The following ENY2 variants were observed in gnomAD, a reference collection of about 807,000 sequenced individuals.
ENY2 encodes ENY2 transcription and export complex 2 subunit.
Under a neutral mutation model 15.9 loss-of-function variants are expected in ENY2, and 4 were observed. The observed-to-expected ratio is 0.25, with a 90% CI of 0.12 to 0.57. The LOEUF is 0.57. Among genes scored for constraint, ENY2 ranks in the 20% least tolerant of loss-of-function variants. The probability of loss-of-function intolerance (pLI) is 0.91; values close to 1 mark genes in which losing one functional copy is unlikely to be tolerated. For synonymous variants in ENY2, 48 were observed against 38.0 expected, an observed-to-expected ratio of 1.26 and a Z score of -0.97; for missense variants, 54 against 117.2, an observed-to-expected ratio of 0.46 and a Z score of 2.49.
At position 109,334,365 on chromosome 8, in the gene ENY2, G is replaced by C; in HGVS notation, c.-104G>C. The C allele has an allele frequency of 1.3e-6, 2 of 1,536,044 alleles. No individual in the cohort carries two copies. Among genetic ancestry groups the C allele is most frequent in the Non-Finnish European group, 1.8e-6 (2 of 1,117,020 alleles). On this transcript the variant is annotated 5_prime_UTR_variant, in exon 1 of 5. Coordinates refer to ENST00000521688, the MANE Select transcript of ENY2 (RefSeq NM_020189.6). ...GCTTTCTGTGTGCTTAGGTGCCCGA[G>C]CTACTGAGGGTCTAAGTCCGGGCAG... is the stretch of plus-strand genomic sequence containing the variant.
intron 4 of ENY2, among the ~76,000 whole-genome samples, chr8:109,341,910 A>G (rs1422785396): frequency 2.0e-5 from 3 of 152,146 alleles, no homozygotes; most frequent in Non-Finnish European, 2.9e-5. Flanking sequence ...AAGGCAACTC[A>G]CTAATCCTGT....
At position 109,340,415 on chromosome 8, in the gene ENY2, C is replaced by T. The variant is rs1816087431; in HGVS notation, c.155-74C>T. ...CTACACTCTAAAAACATGATCTTAA[C>T]CCTTCCTCTATGAAAATCTTTCTTA... On this transcript the variant is annotated intron_variant, in intron 3 of 4. Transcript: ENST00000521688. 1.9e-6 allele frequency: 3 copies of T among 1,584,062 alleles called. No individual in the cohort carries two copies. In the South Asian group the frequency reaches 3.4e-5, roughly 18 times the overall value.
intron 2 of ENY2, 86 bp downstream of exon 2, chr8:109,336,290 C>T: frequency 3.6e-6 from 4 of 1,095,974 alleles, no homozygotes; most frequent in Middle Eastern, 4.0e-4. Flanking sequence ...TGAAACATGT[C>T]ACTGGAAAGA....
chr8:109,340,119 C>A (rs1816083078), intron 3 of ENY2, among the ~76,000 whole-genome samples: 1 of 152,030 alleles, frequency 6.6e-6, no homozygotes, highest in South Asian at 2.1e-4. Flanking sequence ...ATGCCTAGCC[C>A]ATTAGATCAT....
chr8:109,336,120 A>G lies in ENY2; in HGVS notation c.7-8A>G, dbSNP rs1815979399. ...GTTCTATATCTGAAAGTACATGTTG[A>G]TGTCCAGGTTAGCAAGATGAACAAA... On this transcript the variant is annotated splice_region_variant and splice_polypyrimidine_tract_variant and intron_variant, in intron 1 of 4. Transcript: ENST00000521688. 6.2e-7 allele frequency: 1 copy of G among 1,612,788 alleles called. No individual in the cohort carries two copies. The highest frequency in any genetic ancestry group is 1.3e-5 in the African/African-American group (1 of 74,894).
At chr8:109,337,666 G>A (rs1479998513) in intron 2 of ENY2, among the ~76,000 whole-genome samples, 3 of 152,222 alleles carry the variant, frequency 2.0e-5, no homozygotes, top group Non-Finnish European at 4.4e-5. Context: ...CACTTTGGGA[G>A]GCTGAGGCTG....
Position 109,339,330 on chromosome 8 carries a change from T to C in ENY2, c.94T>C (p.Leu32=). 2.5e-6 allele frequency: 4 copies of C among 1,613,782 alleles called. No homozygotes were observed. Among genetic ancestry groups the C allele is most frequent in the East Asian group, 2.2e-5 (1 of 44,842 alleles). The change falls in exon 3 of 5, where the codon TTG becomes CTG. Residue 32 remains leucine, a synonymous_variant. Transcript: ENST00000521688. The stretch of plus-strand genomic sequence containing the variant: ...CTTCTGTTTCAACAGCCTCAAAGAG[T>C]TGCTGAGAGCTAAATTAATTGAATG... ...ETGERERLKE[L]LRAKLIECGW...
At chr8:109,341,015 T>C (rs78977960) in intron 4 of ENY2, among the ~76,000 whole-genome samples, 54 of 152,264 alleles carry the variant, frequency 3.5e-4, no homozygotes, top group Non-Finnish European at 2.9e-4. Context: ...GCTCCATGAC[T>C]TCATGTTCAG....
chr8:109,335,900 C>A (rs961535075), intron 1 of ENY2: 1 of 346,718 alleles, frequency 2.9e-6, no homozygotes, highest in South Asian at 9.1e-5. Flanking sequence ...TGTAACAATA[C>A]GTTCTGGGAA....
rs1157949246 is a variant in ENY2, at chr8:109,344,821, C to T, written c.*1340C>T. The T allele has an allele frequency of 6.6e-6, 1 of 152,178 alleles. No homozygotes were observed. The highest frequency in any genetic ancestry group is 1.5e-5 in the Non-Finnish European group (1 of 68,044). 9.4% of individuals were successfully genotyped at this position (152,178 alleles called of 1,614,324 possible). ...TTCAAGCCCAGATTATTGTAGTAGA[C>T]TTAGTATTTCTTTGCCTTAGTTGAT... On this transcript the variant is annotated 3_prime_UTR_variant, in exon 5 of 5. Transcript: ENST00000521688.
In ENY2 at chr8:109,336,262, A is replaced by C. The variant is rs184813509; in HGVS notation, c.83+58A>C. Reference sequence around the variant, plus strand: ...TCACCGCCTTTAATAGTTAGCTTGTAAGAATCTAAACAAGAAATGAAACAT... The same window carrying C: ...TCACCGCCTTTAATAGTTAGCTTGTCAGAATCTAAACAAGAAATGAAACAT... On this transcript the variant is annotated intron_variant, in intron 2 of 4. Transcript: ENST00000521688. 9.0e-5 allele frequency: 123 copies of C among 1,366,244 alleles called. 3 individuals carry two copies. The highest frequency in any genetic ancestry group is 8.2e-6 in the Non-Finnish European group (8 of 975,262). The allele number at this position is 1,366,244 out of a possible 1,614,324, so 84.6% of individuals were successfully genotyped here. A position where few individuals can be genotyped will look rare whatever the true frequency, so the allele number is the denominator to read the frequency against.
rs1269837076 is a variant in ENY2, at chr8:109,344,894, A to G, written c.*1413A>G. 6.6e-6 allele frequency: 1 copy of G among 152,208 alleles called. No homozygotes were observed. Among genetic ancestry groups the G allele is most frequent in the African/African-American group, 2.4e-5 (1 of 41,456 alleles). 9.4% of individuals were successfully genotyped at this position (152,208 alleles called of 1,614,324 possible). On this transcript the variant is annotated 3_prime_UTR_variant, in exon 5 of 5. Transcript: ENST00000521688. The stretch of plus-strand genomic sequence containing the variant: ...TCCACACTGTTGCCTAAGTGGCCTT[A>G]GTAAAATTCAAGTCTGGTTATTTTA...
Position 109,339,314 on chromosome 8 carries a change from C to T in ENY2, c.84-6C>T. On this transcript the variant is annotated splice_region_variant and splice_polypyrimidine_tract_variant and intron_variant, in intron 2 of 4. Coordinates refer to ENST00000521688, the MANE Select transcript of ENY2 (RefSeq NM_020189.6). ...GTTCAATTTGAAAACACTTCTGTTT[C>T]AACAGCCTCAAAGAGTTGCTGAGAG... 2.5e-6 allele frequency: 4 copies of T among 1,613,250 alleles called. No homozygotes were observed. The highest frequency in any genetic ancestry group is 3.4e-6 in the Non-Finnish European group (4 of 1,179,412).
intron 4 of ENY2, among the ~76,000 whole-genome samples, chr8:109,342,125 A>G (rs745397209): frequency 3.3e-5 from 5 of 151,068 alleles, no homozygotes; most frequent in Admixed American, 1.3e-4. Context: ...TTTCCCCAGA[A>G]CACAAGTAAA....
At chr8:109,339,577 G>A (rs1477591264) in intron 3 of ENY2, 187 bp downstream of exon 3, 15 of 495,744 alleles carry the variant, frequency 3.0e-5, no homozygotes, top group Non-Finnish European at 5.0e-5. Flanking sequence ...GAAATTTTCT[G>A]TTTCTGTTAA....
In ENY2 at chr8:109,345,065, A is replaced by G. The variant is rs1433970418; in HGVS notation, c.*1584A>G. 1.3e-5 allele frequency: 2 copies of G among 152,196 alleles called. No homozygotes were observed. Among genetic ancestry groups the G allele is most frequent in the African/African-American group, 2.4e-5 (1 of 41,456 alleles). 9.4% of individuals were successfully genotyped at this position (152,196 alleles called of 1,614,324 possible). On this transcript the variant is annotated 3_prime_UTR_variant, in exon 5 of 5. Coordinates refer to ENST00000521688, the MANE Select transcript of ENY2 (RefSeq NM_020189.6). ...TTCATCCGTAAGTACCTTTGAACCCAGAAGCCCCCTTTCTCATATGTTTCT... is the reference window on the plus strand; with the variant it reads ...TTCATCCGTAAGTACCTTTGAACCCGGAAGCCCCCTTTCTCATATGTTTCT...
intron 4 of ENY2, among the ~76,000 whole-genome samples, chr8:109,341,961 A>G: frequency 6.6e-6 from 1 of 152,180 alleles, no homozygotes; most frequent in East Asian, 1.9e-4. Flanking sequence ...TTTTTAGTAT[A>G]CATATTGATT....
chr8:109,337,332 G>C (rs937293008), intron 2 of ENY2, among the ~76,000 whole-genome samples: 1 of 149,518 alleles, frequency 6.7e-6, no homozygotes, highest in Non-Finnish European at 1.5e-5. Flanking sequence ...AGTACTGCTG[G>C]TAAGGAGTAC....
Position 109,344,469 on chromosome 8 carries a change from T to G in ENY2, c.*988T>G, listed in dbSNP as rs1241132126. 1.3e-5 allele frequency: 2 copies of G among 152,272 alleles called. No homozygotes were observed. The highest frequency in any genetic ancestry group is 2.9e-5 in the Non-Finnish European group (2 of 68,058). 9.4% of individuals were successfully genotyped at this position (152,272 alleles called of 1,614,324 possible). A position where few individuals can be genotyped will look rare whatever the true frequency, so the allele number is the denominator to read the frequency against. On this transcript the variant is annotated 3_prime_UTR_variant, in exon 5 of 5. Transcript: ENST00000521688. ...ATGCTAAACTGTCTCCAAACCAGAC[T>G]TCATCCTAGCCTCCACACCCAGACA...
Sources: gnomAD v4.1 joint callset for allele counts (sites outside exome capture counted in the v4.1 genomes callset) on GRCh38, gnomAD v4.1.1 for gene constraint, MANE v1.5 for transcripts, NCBI Gene and HGNC (gene_info 2026-07-23, HGNC 2026-07-21) for gene names.